NTNG1: variants seen among roughly 807,000 people sequenced by gnomAD.
The protein encoded by NTNG1 is netrin G1.
A neutral mutation model predicts 54.0 loss-of-function variants in NTNG1; 16 were observed. The ratio of observed to expected loss-of-function variants is 0.30; its 90% CI spans 0.20 to 0.45. The LOEUF is 0.45. NTNG1 is among the 20% of genes least tolerant of loss of function. The pLI is 1.00. For missense variants in NTNG1, 530 were observed against 678.7 expected (o/e 0.78, Z 2.43); for synonymous variants, 255 against 263.1 (o/e 0.97, Z 0.30).
At chr1:107,241,644 G>C (rs1356819477) in intron 2 of NTNG1, among the ~76,000 whole-genome samples, 1 of 152,170 alleles carries the variant, frequency 6.6e-6, no homozygotes, top group Non-Finnish European at 1.5e-5. Context: ...AATGCCAATA[G>C]TTGTGCCACA....
chr1:107,214,991 T>C (rs1659858508), intron 2 of NTNG1, among the ~76,000 whole-genome samples: 2 of 152,272 alleles, frequency 1.3e-5, no homozygotes, highest in Non-Finnish European at 2.9e-5. Flanking sequence ...TGTTTTTTCT[T>C]GATTTTTTGT....
intron 2 of NTNG1, among the ~76,000 whole-genome samples, chr1:107,246,780 C>A (rs1291551161): frequency 6.6e-6 from 1 of 152,118 alleles, no homozygotes; most frequent in Non-Finnish European, 1.5e-5. Context: ...CAGTGAATCA[C>A]ACATAAAATC....
chr1:107,322,726 G>A (rs902669814), intron 2 of NTNG1, among the ~76,000 whole-genome samples: 7 of 152,198 alleles, frequency 4.6e-5, no homozygotes, highest in African/African-American at 1.7e-4. Flanking sequence ...ATCAGGACTA[G>A]GGAATTGAAA....
intron 7 of NTNG1, among the ~76,000 whole-genome samples, chr1:107,471,109 C>T (rs147060323): frequency 1.8e-3 from 268 of 152,214 alleles, no homozygotes; most frequent in Non-Finnish European, 3.3e-3. Flanking sequence ...AAGTGTCACT[C>T]TCATAACAGG....
At chr1:107,211,395 CATA>C (rs1659590642) in intron 2 of NTNG1, among the ~76,000 whole-genome samples, 1 of 152,146 alleles carries the variant, frequency 6.6e-6, no homozygotes, top group South Asian at 2.1e-4. Context: ...ATATTTCAGT[CATA>C]ATATTTTTCA....
intron 5 of NTNG1, among the ~76,000 whole-genome samples, chr1:107,429,710 C>T (rs1675134918): frequency 6.6e-6 from 1 of 152,100 alleles, no homozygotes; most frequent in Admixed American, 6.6e-5. Context: ...CCCTCATATT[C>T]CATGAAGACA....
intron 2 of NTNG1, among the ~76,000 whole-genome samples, chr1:107,246,371 TA>T (rs1662201211): frequency 6.9e-6 from 1 of 144,528 alleles, no homozygotes; most frequent in South Asian, 2.2e-4. Flanking sequence ...CTATACAATA[TA>T]AAGTCAATAT....
chr1:107,170,512 C>T (rs2101088781), intron 2 of NTNG1, among the ~76,000 whole-genome samples: 1 of 152,038 alleles, frequency 6.6e-6, no homozygotes, highest in East Asian at 1.9e-4. Flanking sequence ...AAATTTTTGT[C>T]ACTGATGATA....
Position 107,324,507 on chromosome 1 carries a change from G to C in NTNG1, c.472G>C (p.Asp158His), listed in dbSNP as rs755702360. The change falls in exon 3 of 8, where the codon GAC becomes CAC. Residue 158 changes from aspartate to histidine, a missense_variant. By Grantham distance (81) the Asp-to-His change is moderately conservative (BLOSUM62 -1). Coordinates refer to ENST00000370068, the MANE Select transcript of NTNG1 (RefSeq NM_001113226.3). ...IVITFESGRP[D>H]QMILEKSLDY... ...TATTACCTTTGAATCTGGGCGTCCA[G>C]ACCAAATGATCCTGGAGAAGTCTCT... The C allele has an allele frequency of 6.2e-7, 1 of 1,613,762 alleles. No homozygotes were observed. Among genetic ancestry groups the C allele is most frequent in the Non-Finnish European group, 8.5e-7 (1 of 1,179,834 alleles).
intron 4 of NTNG1, among the ~76,000 whole-genome samples, chr1:107,403,289 C>T (rs534533840): frequency 3.9e-5 from 6 of 152,112 alleles, no homozygotes; most frequent in South Asian, 2.1e-4. Flanking sequence ...ATTTTTTCAG[C>T]GTATGGTAGC....
At chr1:107,315,311 C>T (rs928819656) in intron 2 of NTNG1, among the ~76,000 whole-genome samples, 1 of 152,136 alleles carries the variant, frequency 6.6e-6, no homozygotes, top group Non-Finnish European at 1.5e-5. Context: ...TCTAGTAAAC[C>T]TCCTACGGGT....
At chr1:107,219,457 A>G (rs1379421009) in intron 2 of NTNG1, among the ~76,000 whole-genome samples, 1 of 152,152 alleles carries the variant, frequency 6.6e-6, no homozygotes, top group East Asian at 1.9e-4. Flanking sequence ...TTACTGGTAA[A>G]CTAGTGTGAT....
At chr1:107,396,439 G>C (rs1171360110) in intron 4 of NTNG1, among the ~76,000 whole-genome samples, 1 of 151,932 alleles carries the variant, frequency 6.6e-6, no homozygotes, top group Non-Finnish European at 1.5e-5. Context: ...TCCTTCAAAA[G>C]GTTTAAAAAA....
chr1:107,290,481 A>T (rs548967203), intron 2 of NTNG1, among the ~76,000 whole-genome samples: 4 of 151,900 alleles, frequency 2.6e-5, no homozygotes, highest in East Asian at 1.9e-4. Context: ...ATTTTTTTTT[A>T]AATCTGCTTC....
intron 3 of NTNG1, among the ~76,000 whole-genome samples, chr1:107,339,805 C>T (rs1668796367): frequency 6.6e-6 from 1 of 151,946 alleles, no homozygotes. Flanking sequence ...TAAATGTAAA[C>T]TCTTAAGTAT....
At chr1:107,187,682 A>G (rs1274874449) in intron 2 of NTNG1, among the ~76,000 whole-genome samples, 1 of 152,182 alleles carries the variant, frequency 6.6e-6, no homozygotes, top group South Asian at 2.1e-4. Context: ...TTAACTCTGT[A>G]TCTGAGATAC....
intron 3 of NTNG1, among the ~76,000 whole-genome samples, chr1:107,380,110 A>AG (rs1183230972): frequency 3.3e-5 from 5 of 152,216 alleles, no homozygotes; most frequent in Admixed American, 6.5e-5. Context: ...AGTGACCTTC[A>AG]GGGGAGGCCA....
intron 2 of NTNG1, among the ~76,000 whole-genome samples, chr1:107,235,549 G>A (rs547341734): frequency 2.0e-5 from 3 of 152,274 alleles, no homozygotes; most frequent in East Asian, 3.9e-4. Context: ...ACCTTCAGGA[G>A]CTCCATCAAG....
intron 2 of NTNG1, among the ~76,000 whole-genome samples, chr1:107,205,630 A>G (rs1659124520): frequency 6.6e-6 from 1 of 152,014 alleles, no homozygotes; most frequent in African/African-American, 2.4e-5. Flanking sequence ...TTTTTTTTAA[A>G]AAAAACTATA....
Sources: gnomAD v4.1 joint callset for allele counts (sites outside exome capture counted in the v4.1 genomes callset) on GRCh38, gnomAD v4.1.1 for gene constraint, MANE v1.5 for transcripts, NCBI Gene and HGNC (gene_info 2026-07-23, HGNC 2026-07-21) for gene names.